PCDHA1: variants seen among roughly 807,000 people sequenced by gnomAD.
PCDHA1 encodes protocadherin alpha-1.
In PCDHA1, 42 loss-of-function variants were observed where a neutral mutation model predicts 61.3. The ratio of observed to expected loss-of-function variants is 0.69; its 90% confidence interval spans 0.54 to 0.89. The LOEUF is 0.89. PCDHA1 is among the 40% of genes least tolerant of loss of function. The pLI, the probability that PCDHA1 is intolerant of heterozygous loss-of-function variation, is 0.00. For synonymous variants in PCDHA1, 610 were observed against 553.8 expected (o/e 1.10, Z -1.43); for missense variants, 1,256 against 1,235.3 (o/e 1.02, Z -0.25).
At chr5:140,796,513 G>A (rs1762095542) in intron 1 of PCDHA1, 1 of 1,612,346 alleles carries the variant, frequency 6.2e-7, no homozygotes, top group Non-Finnish European at 8.5e-7. Context: ...GAGCGGCAAG[G>A]TGTACGCGCT....
intron 1 of PCDHA1, among the ~76,000 whole-genome samples, chr5:140,938,910 C>T (rs1467187970): frequency 6.6e-6 from 1 of 152,012 alleles, no homozygotes; most frequent in African/African-American, 2.4e-5. Context: ...CACACACACA[C>T]GCACAAGAAA....
intron 1 of PCDHA1, among the ~76,000 whole-genome samples, chr5:140,919,085 T>C (rs2078998041): frequency 1.3e-5 from 2 of 152,368 alleles, no homozygotes; most frequent in East Asian, 3.9e-4. Context: ...GACTATTGAA[T>C]TGTCTATTTC....
intron 1 of PCDHA1, chr5:140,801,760 A>C: frequency 6.2e-7 from 1 of 1,614,000 alleles, no homozygotes; most frequent in South Asian, 1.1e-5. Flanking sequence ...AATGATGAGG[A>C]AATTAAATCC....
intron 1 of PCDHA1, among the ~76,000 whole-genome samples, chr5:140,838,347 A>G (rs2150288220): frequency 2.7e-5 from 4 of 150,406 alleles, no homozygotes; most frequent in Non-Finnish European, 4.4e-5. Context: ...TGGTCTCGAA[A>G]TCTGGGACTC....
At chr5:140,870,293 T>C in intron 1 of PCDHA1, 1 of 1,614,182 alleles carries the variant, frequency 6.2e-7, no homozygotes, top group Non-Finnish European at 8.5e-7. Context: ...TTCAAGCTGG[T>C]GTCCACCTTC....
chr5:140,934,053 G>A (rs2089601827), intron 1 of PCDHA1, among the ~76,000 whole-genome samples: 1 of 151,758 alleles, frequency 6.6e-6, no homozygotes, highest in African/African-American at 2.4e-5. Flanking sequence ...GTCTTTCCAA[G>A]GCTAACTTTT....
intron 1 of PCDHA1, among the ~76,000 whole-genome samples, chr5:140,910,994 CT>C (rs1312142604): frequency 2.0e-5 from 3 of 152,222 alleles, no homozygotes; most frequent in African/African-American, 7.2e-5. Flanking sequence ...AACCTCACCC[CT>C]AGGGCCCTCC....
chr5:140,933,388 GCCATCTGGTTA>G (rs1563137793), intron 1 of PCDHA1, among the ~76,000 whole-genome samples: 2 of 151,906 alleles, frequency 1.3e-5, no homozygotes, highest in Non-Finnish European at 2.9e-5. Context: ...TGTTCCTAGA[GCCATCTGGTTA>G]CCATCTACAG....
At chr5:140,920,828 G>A (rs1482219421) in intron 1 of PCDHA1, among the ~76,000 whole-genome samples, 4 of 147,976 alleles carry the variant, frequency 2.7e-5, no homozygotes, top group African/African-American at 1.0e-4. Context: ...TGGCGACGGA[G>A]CAAGACCAAA....
At chr5:140,856,926 G>A (rs782283116) in intron 1 of PCDHA1, 1 of 1,594,828 alleles carries the variant, frequency 6.3e-7, no homozygotes, top group South Asian at 1.1e-5. Context: ...AGGAAATTTT[G>A]GATAAACGAA....
chr5:140,860,129 G>GTGTGTATATATATGTATATA (rs1554153065), intron 1 of PCDHA1: 1 of 150,592 alleles, frequency 6.6e-6, no homozygotes, highest in Non-Finnish European at 1.5e-5. Context: ...TACTGTGTGT[G>GTGTGTATATATATGTATATA]TGTGTATATA....
intron 1 of PCDHA1, chr5:140,877,601 T>A (rs2057236715): frequency 6.2e-7 from 1 of 1,613,744 alleles, no homozygotes; most frequent in Non-Finnish European, 8.5e-7. Flanking sequence ...GTGTCCAGCC[T>A]GCTGGTGCTC....
intron 1 of PCDHA1, chr5:140,857,682 G>T (rs1554150517): frequency 2.5e-6 from 4 of 1,596,980 alleles, no homozygotes; most frequent in Middle Eastern, 1.8e-4. Context: ...CCGCCTCTGG[G>T]CAGCAACTTG....
intron 1 of PCDHA1, chr5:140,871,553 G>GT (rs555355563): frequency 9.2e-4 from 1,372 of 1,491,042 alleles, no homozygotes; most frequent in South Asian, 9.1e-4. Flanking sequence ...TTAAAATCCA[G>GT]TTTTTTTTCA....
chr5:140,914,816 A>T (rs2076855290), intron 1 of PCDHA1, among the ~76,000 whole-genome samples: 1 of 152,208 alleles, frequency 6.6e-6, no homozygotes, highest in African/African-American at 2.4e-5. Context: ...AACTTAACAG[A>T]CTGCATAAAC....
At chr5:140,885,297 T>G (rs565705321) in intron 1 of PCDHA1, among the ~76,000 whole-genome samples, 30 of 152,302 alleles carry the variant, frequency 2.0e-4, no homozygotes, top group Admixed American at 5.9e-4. Context: ...GAGAGAGACC[T>G]GGTAGGCTTT....
chr5:140,884,733 T>A (rs782206169), intron 1 of PCDHA1: 2 of 1,448,004 alleles, frequency 1.4e-6, no homozygotes, highest in African/African-American at 1.4e-5. Flanking sequence ...GTTTAAGACA[T>A]CTTTCCTGCC....
chr5:140,841,473 A>G, intron 1 of PCDHA1: 1 of 1,612,990 alleles, frequency 6.2e-7, no homozygotes, highest in Non-Finnish European at 8.5e-7. Flanking sequence ...ATCGCGCAGG[A>G]CCTGGGGCTG....
At chr5:140,808,666 G>A (rs1409073063) in intron 1 of PCDHA1, 2 of 1,612,962 alleles carry the variant, frequency 1.2e-6, no homozygotes, top group East Asian at 2.2e-5. Context: ...TGTCCTACTC[G>A]CTGGTAGAGC....
Sources: allele counts gnomAD v4.1 joint callset (sites outside exome capture counted in the v4.1 genomes callset), GRCh38; gene constraint gnomAD v4.1.1; transcripts MANE v1.5; gene names NCBI Gene and HGNC (gene_info 2026-07-23, HGNC 2026-07-21).